Variants in BBS9 observed in about 807,000 individuals in gnomAD.
BBS9 encodes Bardet-Biedl syndrome 9.
BBS9 carries 89 observed loss-of-function variants against 117.7 expected under a neutral mutation model. The observed-to-expected ratio is 0.76, with a 90% CI of 0.64 to 0.90. The LOEUF is 0.90. Among genes scored for constraint, BBS9 ranks in the 40% least tolerant of loss-of-function variants. BBS9 has a pLI of 0.00. For synonymous variants in BBS9, 379 were observed against 370.9 expected (o/e 1.02, Z -0.25); for missense variants, 982 against 1,042.2 (o/e 0.94, Z 0.80).
At position 33,394,194 on chromosome 7, in the gene BBS9, A is replaced by G. The variant is rs535354336; in HGVS notation, c.2115+6050A>G. ...TTTTTCAGTTGTCCACCACAGTTTC[A>G]GTAATTATGTTGTATTTATGCAGCC... On this transcript the variant is annotated intron_variant, in intron 19 of 22. Transcript: ENST00000242067. 2.0e-5 allele frequency among the ~76,000 whole-genome samples: 3 copies of G among 152,300 alleles called. 1 individual carries two copies. Among genetic ancestry groups the G allele is most frequent in the Admixed American group, 2.0e-4 (3 of 15,286 alleles).
chr7:33,316,973 T>C (rs1293369871), intron 9 of BBS9, among the ~76,000 whole-genome samples: 1 of 152,210 alleles, frequency 6.6e-6, no homozygotes, highest in African/African-American at 2.4e-5. Context: ...TTGTCTTATA[T>C]TTTCTTTAGA....
At chr7:33,628,574 A>G (rs1865748100) in intron 21 of BBS9, among the ~76,000 whole-genome samples, 2 of 152,212 alleles carry the variant, frequency 1.3e-5, no homozygotes. Context: ...CCTAGAGTCA[A>G]CATCATACTT....
chr7:33,521,424 T>C (rs1848574242), intron 20 of BBS9, among the ~76,000 whole-genome samples: 1 of 152,232 alleles, frequency 6.6e-6, no homozygotes, highest in African/African-American at 2.4e-5. Context: ...TGCACACTGC[T>C]CTACCGTTGG....
intron 21 of BBS9, among the ~76,000 whole-genome samples, chr7:33,573,823 G>C (rs1858245406): frequency 6.6e-6 from 1 of 152,122 alleles, no homozygotes; most frequent in African/African-American, 2.4e-5. Context: ...GAGTAGAAGA[G>C]AGTAGGGTAT....
At chr7:33,313,801 G>C (rs543716160) in intron 9 of BBS9, among the ~76,000 whole-genome samples, 1 of 152,146 alleles carries the variant, frequency 6.6e-6, no homozygotes, top group East Asian at 1.9e-4. Context: ...ATGGTGAATA[G>C]CAATAACAAC....
chr7:33,437,811 G>T (rs960977145), intron 19 of BBS9, among the ~76,000 whole-genome samples: 9 of 152,236 alleles, frequency 5.9e-5, no homozygotes, highest in African/African-American at 2.2e-4. Context: ...GGGAGGCAGA[G>T]GTTGCACTGA....
chr7:33,193,994 C>T (rs1352017277), intron 5 of BBS9, among the ~76,000 whole-genome samples: 4 of 152,172 alleles, frequency 2.6e-5, no homozygotes, highest in Admixed American at 1.3e-4. Context: ...TTCCTCCTCT[C>T]GCCTGTCTTC....
rs549957744 is a variant in BBS9 at position 33,169,679 on chromosome 7, C to A, written c.329-7799C>A. Among the ~76,000 whole-genome samples the A allele has an allele frequency of 6.5e-3, 983 of 151,748 alleles. 9 individuals carry two copies. The highest frequency in any genetic ancestry group is 0.01 in the Middle Eastern group (3 of 294). Reference sequence around the variant, plus strand: ...GGTTGTTTGTTTTTTTCTTGTAAATCTGTTTGAGTTCATTGTAGATTCTGG... The same window carrying A: ...GGTTGTTTGTTTTTTTCTTGTAAATATGTTTGAGTTCATTGTAGATTCTGG... On this transcript the variant is annotated intron_variant, in intron 4 of 22. Coordinates refer to ENST00000242067, the MANE Select transcript of BBS9 (RefSeq NM_198428.3).
At chr7:33,478,792 T>G (rs925129691) in intron 19 of BBS9, among the ~76,000 whole-genome samples, 4 of 152,120 alleles carry the variant, frequency 2.6e-5, no homozygotes, top group Non-Finnish European at 4.4e-5. Context: ...AACCTTCATT[T>G]AGATACTCTT....
intron 9 of BBS9, among the ~76,000 whole-genome samples, chr7:33,315,586 C>T (rs1172441598): frequency 6.6e-6 from 1 of 152,062 alleles, no homozygotes; most frequent in Non-Finnish European, 1.5e-5. Flanking sequence ...GTCATATTTG[C>T]AGTCTACCAC....
intron 5 of BBS9, among the ~76,000 whole-genome samples, chr7:33,252,267 C>T (rs1349692269): frequency 6.6e-6 from 1 of 152,162 alleles, no homozygotes; most frequent in Non-Finnish European, 1.5e-5. Flanking sequence ...CCTCCAGGCT[C>T]CACCTCCAAC....
intron 5 of BBS9, among the ~76,000 whole-genome samples, chr7:33,203,868 G>A (rs1786382465): frequency 1.3e-5 from 2 of 151,416 alleles, no homozygotes; most frequent in Admixed American, 1.3e-4. Flanking sequence ...GATTACAGGC[G>A]TGTGACACCA....
chr7:33,515,086 C>CT (rs955472399), intron 20 of BBS9, among the ~76,000 whole-genome samples: 17 of 152,116 alleles, frequency 1.1e-4, no homozygotes, highest in African/African-American at 4.1e-4. Flanking sequence ...GCCATCTACT[C>CT]TAAGTTATGG....
intron 1 of BBS9, among the ~76,000 whole-genome samples, chr7:33,133,396 A>G (rs182540292): frequency 4.6e-5 from 7 of 152,308 alleles, no homozygotes; most frequent in Non-Finnish European, 8.8e-5. Context: ...TCCCTTAGCT[A>G]TAACTCTCCT....
chr7:33,431,829 A>C (rs1241869015), intron 19 of BBS9, among the ~76,000 whole-genome samples: 1 of 152,222 alleles, frequency 6.6e-6, no homozygotes, highest in African/African-American at 2.4e-5. Context: ...TGTGGTCGAC[A>C]TAATACACCA....
At chr7:33,173,621 T>TA (rs1796928999) in intron 4 of BBS9, among the ~76,000 whole-genome samples, 1 of 151,314 alleles carries the variant, frequency 6.6e-6, no homozygotes, top group African/African-American at 2.4e-5. Context: ...CACAGGTCAA[T>TA]AGCCATCCCT....
chr7:33,231,610 C>A (rs930848375), intron 5 of BBS9, among the ~76,000 whole-genome samples: 2 of 151,480 alleles, frequency 1.3e-5, no homozygotes, highest in African/African-American at 4.8e-5. Flanking sequence ...TTTCCTATTT[C>A]TGTGAAGAGT....
chr7:33,491,274 T>C (rs1843859659), intron 19 of BBS9, among the ~76,000 whole-genome samples: 1 of 152,204 alleles, frequency 6.6e-6, no homozygotes, highest in Non-Finnish European at 1.5e-5. Flanking sequence ...ATTGATTAGA[T>C]AACTTTTGAG....
chr7:33,172,756 A>T (rs112277923), intron 4 of BBS9, among the ~76,000 whole-genome samples: 2,067 of 152,182 alleles, frequency 0.014, 57 homozygotes, highest in African/African-American at 0.048. Flanking sequence ...TCTTAGGTAC[A>T]ACAACAAAAA....
Sources: gnomAD v4.1 joint callset for allele counts (sites outside exome capture counted in the v4.1 genomes callset) on GRCh38, gnomAD v4.1.1 for gene constraint, MANE v1.5 for transcripts, NCBI Gene and HGNC (gene_info 2026-07-23, HGNC 2026-07-21) for gene names.